Variants in CRACD observed in about 807,000 individuals in gnomAD.
CRACD encodes capping protein inhibiting regulator of actin dynamics, also known as capping protein-inhibiting regulator of actin dynamics.
In CRACD, 56 loss-of-function variants were observed where a neutral mutation model predicts 106.8. The observed-to-expected ratio is 0.52, with a 90% confidence interval of 0.42 to 0.66. CRACD has a LOEUF of 0.66. Among genes scored for constraint, CRACD ranks in the 30% least tolerant of loss-of-function variants. The probability of loss-of-function intolerance (pLI) is 0.00; values close to 1 mark genes in which losing one functional copy is unlikely to be tolerated. For synonymous variants in CRACD, 754 were observed against 670.8 expected (o/e 1.12, Z -1.92); for missense variants, 1,730 against 1,623.2 (o/e 1.07, Z -1.13).
In CRACD at chr4:56,137,795, A is replaced by G. The variant is rs79289603; in HGVS notation, c.-335-41489A>G. Among the ~76,000 whole-genome samples the G allele has an allele frequency of 4.6e-5, 7 of 152,272 alleles. No individual in the cohort carries two copies. The East Asian group carries it at 9.6e-4, about 21-fold the overall frequency. On this transcript the variant is annotated intron_variant, in intron 1 of 10. Transcript: ENST00000682029. ...CTGAGCCCAGGAGTTCAAGGTTGCAATGAGCTATGGCAGCACCACTGCACT... is the reference window on the plus strand; with the variant it reads ...CTGAGCCCAGGAGTTCAAGGTTGCAGTGAGCTATGGCAGCACCACTGCACT...
intron 2 of CRACD, among the ~76,000 whole-genome samples, chr4:56,264,479 C>T (rs1280209106): frequency 1.3e-5 from 2 of 152,138 alleles, no homozygotes; most frequent in Non-Finnish European, 2.9e-5. Flanking sequence ...GCCTATGTAC[C>T]TAAATGTCCA....
At chr4:56,136,394 C>T (rs1048832845) in intron 1 of CRACD, among the ~76,000 whole-genome samples, 2 of 152,144 alleles carry the variant, frequency 1.3e-5, no homozygotes, top group Non-Finnish European at 2.9e-5. Context: ...TATGGAGGTC[C>T]GGTTGCTCCA....
Position 56,307,699 on chromosome 4 carries a change from G to C in CRACD, c.285G>C (p.Lys95Asn), listed in dbSNP as rs1295225177. ...TCGTCCTCTCAGACGCAGAGAACAAGGTAAGTCTCCTCCAGGGAATGACTT... is the reference window on the plus strand; with the variant it reads ...TCGTCCTCTCAGACGCAGAGAACAACGTAAGTCTCCTCCAGGGAATGACTT... ...QDIVLSDAEN[K>N]SSDTPSSLSP... The change falls in exon 5 of 11, where the codon AAG (lysine) becomes AAC (asparagine). Residue 95 changes from lysine to asparagine, a missense_variant and splice_region_variant. Transcript: ENST00000682029. The C allele has an allele frequency of 1.3e-5, 21 of 1,614,026 alleles. No homozygotes were observed. The highest frequency in any genetic ancestry group is 1.6e-5 in the Non-Finnish European group (19 of 1,179,988).
At chr4:56,257,064 G>T (rs1310951285) in intron 2 of CRACD, among the ~76,000 whole-genome samples, 1 of 148,452 alleles carries the variant, frequency 6.7e-6, no homozygotes, top group Non-Finnish European at 1.5e-5. Context: ...TTACCCTGCA[G>T]TATATTTTGA....
chr4:56,290,110 G>A lies in CRACD; in HGVS notation c.-16-8104G>A, dbSNP rs1333783575. ...ACTCACTAGAGATGTGAAGAGCAGC[G>A]CTCCAGGCCTCCAGGCATAGGTGCA... On this transcript the variant is annotated intron_variant, in intron 3 of 10. Transcript: ENST00000682029. Among the ~76,000 whole-genome samples the A allele has an allele frequency of 1.3e-5, 2 of 152,334 alleles. 1 individual carries two copies. Among genetic ancestry groups the A allele is most frequent in the South Asian group, 4.1e-4 (2 of 4,824 alleles).
intron 2 of CRACD, among the ~76,000 whole-genome samples, chr4:56,242,917 C>T (rs1740450878): frequency 6.6e-6 from 1 of 152,018 alleles, no homozygotes; most frequent in South Asian, 2.1e-4. Context: ...CAGCCTGGCG[C>T]ACCAGGTAAA....
chr4:56,131,113 T>A (rs531582188), intron 1 of CRACD, among the ~76,000 whole-genome samples: 1 of 152,340 alleles, frequency 6.6e-6, no homozygotes, highest in Non-Finnish European at 1.5e-5. Context: ...GTCTGTACAC[T>A]AGTATGAATT....
chr4:56,177,407 C>T (rs1429802689), intron 1 of CRACD, among the ~76,000 whole-genome samples: 1 of 152,120 alleles, frequency 6.6e-6, no homozygotes, highest in Non-Finnish European at 1.5e-5. Context: ...TGGGGTGAAT[C>T]CCACCTGATC....
chr4:56,257,823 C>T (rs1741461045), intron 2 of CRACD, among the ~76,000 whole-genome samples: 1 of 152,064 alleles, frequency 6.6e-6, no homozygotes. Flanking sequence ...TGTAATCCCA[C>T]CACTTTGGAA....
intron 1 of CRACD, among the ~76,000 whole-genome samples, chr4:56,106,049 T>C (rs888409400): frequency 2.0e-5 from 3 of 152,186 alleles, no homozygotes; most frequent in African/African-American, 4.8e-5. Flanking sequence ...AAGTTAACTA[T>C]GCTGTAGCTT....
chr4:56,314,694 G>C lies in CRACD; in HGVS notation c.1192G>C (p.Glu398Gln). 1 of 1,557,036 alleles carries C rather than the reference G, an allele frequency of 6.4e-7. No homozygotes were observed. The highest frequency in any genetic ancestry group is 8.7e-7 in the Non-Finnish European group (1 of 1,150,404). The change falls in exon 8 of 11, where the codon GAG becomes CAG. Residue 398 changes from glutamate to glutamine, a missense_variant. By Grantham distance (29) the Glu-to-Gln change is conservative. Around this residue, in one of 5 missense-constraint regions of CRACD, gnomAD observed 1,620 missense variants for 1,481.6 expected, o/e 1.09. Coordinates refer to ENST00000682029, the MANE Select transcript of CRACD (RefSeq NM_001393381.1). The surrounding 1 kb of genome is among the most constrained non-coding windows in gnomAD (Gnocchi z 4.4). ...ETGEGRRGAE[E>Q]EDLGEEEEEG... ...TGGGGAGGGCCGGCGGGGCGCGGAG[G>C]AGGAGGATCTGGGGGAAGAGGAGGA...
chr4:56,066,911 T>A (rs1454874181), intron 1 of CRACD, among the ~76,000 whole-genome samples: 3 of 152,054 alleles, frequency 2.0e-5, no homozygotes, highest in African/African-American at 4.8e-5. Flanking sequence ...GGAAAGAAGA[T>A]GGTGATAGGA....
chr4:56,095,647 G>A (rs2109825473), intron 1 of CRACD, among the ~76,000 whole-genome samples: 1 of 152,292 alleles, frequency 6.6e-6, no homozygotes, highest in Non-Finnish European at 1.5e-5. Flanking sequence ...GTTGGGGGAG[G>A]AGTGGTAGAA....
chr4:56,294,618 T>C (rs969062658), intron 3 of CRACD, among the ~76,000 whole-genome samples: 3 of 151,994 alleles, frequency 2.0e-5, no homozygotes, highest in African/African-American at 7.2e-5. Flanking sequence ...TGTATATGTA[T>C]AAATTTATGT....
intron 3 of CRACD, among the ~76,000 whole-genome samples, chr4:56,287,580 G>A (rs1035569107): frequency 2.0e-4 from 31 of 152,028 alleles, no homozygotes; most frequent in Admixed American, 1.6e-3. Context: ...TGTGCCCGGC[G>A]AACCTGGCTA....
intron 1 of CRACD, among the ~76,000 whole-genome samples, chr4:56,129,222 C>T (rs1006117280): frequency 6.6e-6 from 1 of 152,122 alleles, no homozygotes; most frequent in Non-Finnish European, 1.5e-5. Flanking sequence ...ACTACAGGCG[C>T]ATGCCTGGCT....
rs1560438217 is a variant in CRACD, at chr4:56,057,812, TTG to T, written c.-336+8515_-336+8516del. Among the ~76,000 whole-genome samples, 16 of 60,178 alleles carry T rather than the reference TTG, an allele frequency of 2.7e-4. 3 individuals carry two copies. Among genetic ancestry groups the T allele is most frequent in the African/African-American group, 2.4e-3 (15 of 6,370 alleles). The allele number at this position is 60,178 out of a possible 152,430, so 39.5% of individuals were successfully genotyped here. The stretch of plus-strand genomic sequence containing the variant: ...CTCATTTTTTGTATTTTTTTTTTTT[TTG>T]TTTTTTTTTTTTTTTTTTTTTTGAG... On this transcript the variant is annotated intron_variant, in intron 1 of 10. Transcript: ENST00000682029.
chr4:56,192,010 C>T (rs1300502617), intron 2 of CRACD, among the ~76,000 whole-genome samples: 1 of 152,116 alleles, frequency 6.6e-6, no homozygotes, highest in Non-Finnish European at 1.5e-5. Flanking sequence ...AAAATCAAGA[C>T]CTTTTAAACT....
At chr4:56,284,090 T>G (rs1456186559) in intron 3 of CRACD, among the ~76,000 whole-genome samples, 1 of 152,042 alleles carries the variant, frequency 6.6e-6, no homozygotes, top group Admixed American at 6.6e-5. Context: ...CGCTTTCCAT[T>G]GTGATCTCTC....
Sources: allele counts gnomAD v4.1 joint callset (sites outside exome capture counted in the v4.1 genomes callset), GRCh38; gene constraint gnomAD v4.1.1; regional missense constraint gnomAD v4.1.1; non-coding constraint Gnocchi (gnomAD v3.1); transcripts MANE v1.5; gene names NCBI Gene and HGNC (gene_info 2026-07-23, HGNC 2026-07-21).